The following SLC37A1 variants were observed in gnomAD, a reference collection of about 807,000 sequenced individuals.
The protein encoded by SLC37A1 is glucose-6-phosphate exchanger SLC37A1.
In SLC37A1, 49 loss-of-function variants were observed where a neutral mutation model predicts 75.3. That is an observed-to-expected ratio of 0.65 (90% CI 0.52 to 0.83). The LOEUF is 0.83. Among genes scored for constraint, SLC37A1 ranks in the 40% least tolerant of loss-of-function variants. SLC37A1 has a pLI of 0.00. For missense variants in SLC37A1, 566 were observed against 695.0 expected (o/e 0.81, Z 2.09); for synonymous variants, 268 against 292.1 (o/e 0.92, Z 0.84).
chr21:42,501,648 G>T (rs1439379777), intron 1 of SLC37A1, among the ~76,000 whole-genome samples: 1 of 152,198 alleles, frequency 6.6e-6, no homozygotes, highest in Non-Finnish European at 1.5e-5. Flanking sequence ...GGAGGCAGAG[G>T]TTGCAGTGAG....
intron 3 of SLC37A1, among the ~76,000 whole-genome samples, chr21:42,529,118 A>T (rs1461909603): frequency 1.3e-5 from 2 of 152,250 alleles, no homozygotes; most frequent in Non-Finnish European, 2.9e-5. Context: ...TTAATACCAT[A>T]ATCAAATTAT....
At chr21:42,505,301 C>CT (rs2054374376) in intron 2 of SLC37A1, among the ~76,000 whole-genome samples, 2 of 152,342 alleles carry the variant, frequency 1.3e-5, no homozygotes, top group South Asian at 4.1e-4. Context: ...GCCATAATGA[C>CT]TTTCAGTTCC....
At chr21:42,500,578 C>T (rs1343935745) in intron 1 of SLC37A1, among the ~76,000 whole-genome samples, 1 of 152,158 alleles carries the variant, frequency 6.6e-6, no homozygotes, top group Non-Finnish European at 1.5e-5. Flanking sequence ...TTTTGTCTAT[C>T]AGTATGTTTG....
At chr21:42,571,971 T>C (rs1168261295) in intron 17 of SLC37A1, among the ~76,000 whole-genome samples, 2 of 152,164 alleles carry the variant, frequency 1.3e-5, no homozygotes, top group African/African-American at 4.8e-5. Flanking sequence ...CCCTCCTCTC[T>C]TGCCTGCGAC....
chr21:42,579,839 C>A, intron 19 of SLC37A1, 39 bp downstream of exon 19: 1 of 1,606,438 alleles, frequency 6.2e-7, no homozygotes, highest in Non-Finnish European at 8.5e-7. Context: ...GCGTGAAAGC[C>A]GGCTCCAAAG....
At chr21:42,569,167 G>A (rs961629425) in intron 17 of SLC37A1, among the ~76,000 whole-genome samples, 1 of 152,192 alleles carries the variant, frequency 6.6e-6, no homozygotes, top group African/African-American at 2.4e-5. Flanking sequence ...CTTGCTGCGT[G>A]GGGGTCTCCA....
rs149585346 is a variant in SLC37A1 at position 42,551,892 on chromosome 21, A to AT, written c.769-2164dup. Among the ~76,000 whole-genome samples, 1,123 of 151,732 alleles carry AT rather than the reference A, an allele frequency of 7.4e-3. 18 individuals are homozygous for AT. Among genetic ancestry groups the AT allele is most frequent in the African/African-American group, 0.026 (1,055 of 41,250 alleles). On this transcript the variant is annotated intron_variant, in intron 9 of 19. Transcript: ENST00000352133. ...GCTTTTGTCAAAATAAAAAATGGTC[A>AT]TTTTTTCTACCAAGTTTCCCACATT... is the stretch of plus-strand genomic sequence containing the variant.
chr21:42,525,843 A>G lies in SLC37A1; in HGVS notation c.124A>G (p.Ile42Val), dbSNP rs372987479. 55 of 1,613,578 alleles carry G rather than the reference A, an allele frequency of 3.4e-5. No individual in the cohort carries two copies. The highest frequency in any genetic ancestry group is 2.9e-4 in the African/African-American group (22 of 74,920). ...YASFHLSRKP[I>V]SIVKGELHKY... ...AAGTTTTCACTTATCTCGAAAGCCTATCAGCATAGTTAAGGTAAGAATCAT... is the reference window on the plus strand; with the variant it reads ...AAGTTTTCACTTATCTCGAAAGCCTGTCAGCATAGTTAAGGTAAGAATCAT... The change falls in exon 3 of 20, where the codon ATC becomes GTC. Residue 42 changes from isoleucine to valine, a missense_variant. Ile to Val is a conservative substitution (Grantham distance 29). Coordinates refer to ENST00000352133, the MANE Select transcript of SLC37A1 (RefSeq NM_001320537.2).
rs2054487774 is a variant in SLC37A1 at position 42,514,678 on chromosome 21, AGCCCTTACG to A, written c.-213_-205del. 6.6e-6 allele frequency: 1 copy of A among 152,378 alleles called. No individual in the cohort carries two copies. Among genetic ancestry groups the A allele is most frequent in the African/African-American group, 2.4e-5 (1 of 41,452 alleles). The allele number at this position is 152,378 out of a possible 1,614,324, so 9.4% of individuals were successfully genotyped here. Reference sequence around the variant, plus strand: ...CCTCGCCGCTGGCCACCAGCCTTCCAGCCCTTACGGCCCACGCCGTAATCCTGGTGACCG... The same window carrying A: ...CCTCGCCGCTGGCCACCAGCCTTCCAGCCCACGCCGTAATCCTGGTGACCG... On this transcript the variant is annotated 5_prime_UTR_variant, in exon 1 of 20. Transcript: ENST00000352133. This position sits in a 1 kb window ranked among gnomAD's most constrained non-coding sequence, Gnocchi z 4.8.
chr21:42,579,802 T>A lies in SLC37A1; in HGVS notation c.1586+2T>A. On this transcript the variant is annotated splice_donor_variant, in intron 19 of 19. Transcript: ENST00000352133. LOFTEE classifies it high-confidence loss of function. ...GTCAGCTACGGGGGACCAAGTTCCG[T>A]AAGTCCCACTCGGGCCCTGTCTCCG... 6.2e-7 allele frequency: 1 copy of A among 1,614,074 alleles called. No homozygotes were observed. Among genetic ancestry groups the A allele is most frequent in the South Asian group, 1.1e-5 (1 of 91,078 alleles).
At chr21:42,527,560 C>A (rs547105046) in intron 3 of SLC37A1, among the ~76,000 whole-genome samples, 1 of 152,156 alleles carries the variant, frequency 6.6e-6, no homozygotes, top group South Asian at 2.1e-4. Context: ...CATACATTAC[C>A]CCTGTGATCC....
At position 42,563,863 on chromosome 21, in the gene SLC37A1, T is replaced by G; in HGVS notation, c.1121T>G (p.Val374Gly). The G allele has an allele frequency of 6.2e-7, 1 of 1,614,194 alleles. No individual in the cohort carries two copies. Among genetic ancestry groups the G allele is most frequent in the Non-Finnish European group, 8.5e-7 (1 of 1,180,026 alleles). The change falls in exon 13 of 20, where the codon GTG (valine) becomes GGG (glycine). Residue 374 changes from valine (V) to glycine (G), a missense_variant. By Grantham distance (109) the Val-to-Gly change is moderately radical (BLOSUM62 -3). Coordinates refer to ENST00000352133, the MANE Select transcript of SLC37A1 (RefSeq NM_001320537.2). ...GGGGAGCTCTCCACCCTGTTTGACG[T>G]GGGCGGAATCTTTGGTGAGTTCATT... Reference protein sequence around the residue: ...KAGELSTLFDVGGIFGGILAG... With the variant: ...KAGELSTLFDGGGIFGGILAG...
At chr21:42,559,783 G>A (rs2055781046) in intron 11 of SLC37A1, among the ~76,000 whole-genome samples, 1 of 152,068 alleles carries the variant, frequency 6.6e-6, no homozygotes, top group East Asian at 1.9e-4. Flanking sequence ...GGCTGAGGCG[G>A]GAGAATCGCT....
intron 18 of SLC37A1, among the ~76,000 whole-genome samples, chr21:42,576,202 C>G (rs2056304124): frequency 1.3e-5 from 2 of 151,906 alleles, no homozygotes; most frequent in South Asian, 4.2e-4. Flanking sequence ...GAGCCAGGAC[C>G]CTCGAAGAGC....
chr21:42,511,386 A>G (rs1387995229), upstream of SLC37A1, among the ~76,000 whole-genome samples: 3 of 152,242 alleles, frequency 2.0e-5, no homozygotes, highest in African/African-American at 4.8e-5. Flanking sequence ...CTGTATCTAC[A>G]CAATGGAATA....
rs1445620555 is a variant in SLC37A1, at chr21:42,580,568, C to T, written c.*208C>T. Reference sequence around the variant, plus strand: ...GCTGAACAGCAGTGAGAAAAGTCTGCAGGAACTGCTGCCTGAGCCAAGCCA... The same window carrying T: ...GCTGAACAGCAGTGAGAAAAGTCTGTAGGAACTGCTGCCTGAGCCAAGCCA... On this transcript the variant is annotated 3_prime_UTR_variant, in exon 20 of 20. Coordinates refer to ENST00000352133, the MANE Select transcript of SLC37A1 (RefSeq NM_001320537.2). 8 of 595,596 alleles carry T rather than the reference C, an allele frequency of 1.3e-5. No individual in the cohort carries two copies. The highest frequency in any genetic ancestry group is 2.3e-5 in the Non-Finnish European group (8 of 345,508). 36.9% of individuals were successfully genotyped at this position (595,596 alleles called of 1,614,324 possible). A position where few individuals can be genotyped will look rare whatever the true frequency, so the allele number is the denominator to read the frequency against.
At chr21:42,519,031 G>A (rs922847073) in intron 2 of SLC37A1, among the ~76,000 whole-genome samples, 3 of 152,186 alleles carry the variant, frequency 2.0e-5, no homozygotes, top group African/African-American at 7.2e-5. Context: ...GAAGGAAACA[G>A]TTGACAAGCC....
chr21:42,541,437 G>T lies in SLC37A1; in HGVS notation c.487-967G>T, dbSNP rs531775442. ...GGCTTACTGCAGTGAGGTAGTCGGAGCTGCCAGGCTGGCCCTGGTTTCGTG... is the reference window on the plus strand; with the variant it reads ...GGCTTACTGCAGTGAGGTAGTCGGATCTGCCAGGCTGGCCCTGGTTTCGTG... On this transcript the variant is annotated intron_variant, in intron 6 of 19. Coordinates refer to ENST00000352133, the MANE Select transcript of SLC37A1 (RefSeq NM_001320537.2). 8.5e-5 allele frequency among the ~76,000 whole-genome samples: 13 copies of T among 152,344 alleles called. No homozygotes were observed. The South Asian group carries it at 2.1e-3, about 24-fold the overall frequency.
intron 3 of SLC37A1, among the ~76,000 whole-genome samples, chr21:42,526,603 G>T (rs2282555): frequency 1.4e-4 from 22 of 152,154 alleles, no homozygotes; most frequent in African/African-American, 5.1e-4. Context: ...CACTCCTGCC[G>T]GTGGCTGAGC....
Sources: gnomAD v4.1 joint callset for allele counts (sites outside exome capture counted in the v4.1 genomes callset) on GRCh38, gnomAD v4.1.1 for gene constraint, Gnocchi (gnomAD v3.1) non-coding constraint, MANE v1.5 for transcripts, NCBI Gene and HGNC (gene_info 2026-07-23, HGNC 2026-07-21) for gene names.